ANGPT4: variants seen among roughly 807,000 people sequenced by gnomAD.
ANGPT4 encodes angiopoietin-4.
A neutral mutation model predicts 53.0 loss-of-function variants in ANGPT4; 50 were observed. The observed-to-expected ratio is 0.94, with a 90% CI of 0.75 to 1.20. ANGPT4 has a LOEUF of 1.20. Among genes scored for constraint, ANGPT4 ranks in the 50% most tolerant of loss-of-function variants. ANGPT4 has a pLI of 0.00. For synonymous variants in ANGPT4, 251 were observed against 259.7 expected (o/e 0.97, Z 0.32); for missense variants, 648 against 637.1 (o/e 1.02, Z -0.18).
At chr20:882,889 G>A (rs1981465809) in intron 4 of ANGPT4, among the ~76,000 whole-genome samples, 1 of 152,236 alleles carries the variant, frequency 6.6e-6, no homozygotes. Flanking sequence ...GCCAGGGGTA[G>A]TTTGGGGCCA....
chr20:912,600 C>T (rs970141580), intron 1 of ANGPT4, among the ~76,000 whole-genome samples: 5 of 150,780 alleles, frequency 3.3e-5, no homozygotes, highest in South Asian at 2.1e-4. Context: ...TTTCCAGGAG[C>T]GAGGAGGAGG....
At chr20:903,151 C>T (rs58905802) in intron 1 of ANGPT4, among the ~76,000 whole-genome samples, 3,452 of 152,246 alleles carry the variant, frequency 0.023, 132 homozygotes, top group African/African-American at 0.08. Context: ...ATGGGGTGAA[C>T]CCTGCTGCTG....
chr20:916,113 C>T lies in ANGPT4; in HGVS notation c.102G>A (p.Glu34=). 1.2e-6 allele frequency: 2 copies of T among 1,614,192 alleles called. No individual in the cohort carries two copies. Among genetic ancestry groups the T allele is most frequent in the South Asian group, 2.2e-5 (2 of 91,078 alleles). ...AGTGGCCGTGCTGGACTACAAGTGT[C>T]TCGCAGCCCCTATCCGCCTCCTGCC... ...QTRQEADRGC[E]TLVVQHGHCS... The change falls in exon 1 of 9, where the codon GAG becomes GAA. Residue 34 remains glutamate, a synonymous_variant. Coordinates refer to ENST00000381922, the MANE Select transcript of ANGPT4 (RefSeq NM_015985.4).
At chr20:889,539 T>C (rs907729371) in intron 2 of ANGPT4, among the ~76,000 whole-genome samples, 7 of 152,188 alleles carry the variant, frequency 4.6e-5, no homozygotes, top group Non-Finnish European at 4.4e-5. Flanking sequence ...ACGATACTCT[T>C]ATGGGACTGC....
intron 1 of ANGPT4, among the ~76,000 whole-genome samples, chr20:902,087 C>A (rs1296924684): frequency 6.6e-6 from 1 of 152,068 alleles, no homozygotes; most frequent in Non-Finnish European, 1.5e-5. Context: ...TATACAAAAA[C>A]CGAGAAGATC....
intron 7 of ANGPT4, among the ~76,000 whole-genome samples, chr20:876,110 C>T (rs1981155557): frequency 3.4e-5 from 5 of 145,210 alleles, no homozygotes; most frequent in Non-Finnish European, 6.0e-5. Flanking sequence ...CATGCCACTG[C>T]ACTCCAGCCT....
chr20:879,967 G>C, intron 5 of ANGPT4, 119 bp from the exon 6 acceptor site: 1 of 546,766 alleles, frequency 1.8e-6, no homozygotes, highest in Non-Finnish European at 3.1e-6. Context: ...TGAGCCTGGG[G>C]GTCCTGGGCA....
chr20:872,899 T>C lies in ANGPT4; in HGVS notation c.*61A>G. ...CAGTGTCTTGCATCTGGGTCCAGGT[T>C]GTCCAGGAGTGCCAAGTCCGAGCTT... On this transcript the variant is annotated 3_prime_UTR_variant, in exon 9 of 9. Coordinates refer to ENST00000381922, the MANE Select transcript of ANGPT4 (RefSeq NM_015985.4). 6.3e-7 allele frequency: 1 copy of C among 1,595,936 alleles called. No individual in the cohort carries two copies. The highest frequency in any genetic ancestry group is 1.1e-5 in the South Asian group (1 of 89,718).
chr20:897,765 T>G (rs1245617567), intron 1 of ANGPT4, among the ~76,000 whole-genome samples: 1 of 152,212 alleles, frequency 6.6e-6, no homozygotes, highest in African/African-American at 2.4e-5. Context: ...ACCTCTTCAC[T>G]GTGGTCAACC....
chr20:915,029 T>C (rs1027896149), intron 1 of ANGPT4, among the ~76,000 whole-genome samples: 1 of 152,060 alleles, frequency 6.6e-6, no homozygotes, highest in African/African-American at 2.4e-5. Flanking sequence ...CCACACCCCC[T>C]CCTAGCCCCG....
intron 7 of ANGPT4, among the ~76,000 whole-genome samples, chr20:875,762 G>A (rs1329376903): frequency 6.6e-6 from 1 of 152,130 alleles, no homozygotes; most frequent in Non-Finnish European, 1.5e-5. Context: ...GAGAATGCGG[G>A]GTGTTTGTAT....
intron 2 of ANGPT4, among the ~76,000 whole-genome samples, chr20:889,473 G>A (rs1216092830): frequency 6.6e-6 from 1 of 152,134 alleles, no homozygotes; most frequent in Non-Finnish European, 1.5e-5. Flanking sequence ...ATAACACAGT[G>A]GGAAGTATTT....
intron 1 of ANGPT4, among the ~76,000 whole-genome samples, chr20:913,725 C>G (rs1047561737): frequency 1.3e-5 from 2 of 152,192 alleles, no homozygotes; most frequent in East Asian, 3.9e-4. Flanking sequence ...ATGACAGCAT[C>G]CTGGGAAAGA....
At chr20:904,921 G>A (rs1027384031) in intron 1 of ANGPT4, among the ~76,000 whole-genome samples, 2 of 152,132 alleles carry the variant, frequency 1.3e-5, no homozygotes, top group Non-Finnish European at 2.9e-5. Context: ...TTTGACTATC[G>A]TTAACAAACT....
intron 7 of ANGPT4, among the ~76,000 whole-genome samples, chr20:876,144 CAAA>C (rs3030778): frequency 0.17 from 16,997 of 99,056 alleles, 1,543 homozygotes; most frequent in African/African-American, 0.3. Flanking sequence ...AGCCCTGTCT[CAAA>C]AAAAAAAAAA....
At chr20:879,293 T>C (rs977730281) in intron 6 of ANGPT4, among the ~76,000 whole-genome samples, 19 of 152,128 alleles carry the variant, frequency 1.2e-4, no homozygotes, top group African/African-American at 4.6e-4. Context: ...AATTAAAAAA[T>C]TGGAAAACAA....
rs1291618371 is a variant in ANGPT4 at position 872,242 on chromosome 20, T to C, written c.*718A>G. 1 of 152,228 alleles carries C rather than the reference T, an allele frequency of 6.6e-6. No homozygotes were observed. Among genetic ancestry groups the C allele is most frequent in the Non-Finnish European group, 1.5e-5 (1 of 68,074 alleles). 9.4% of individuals were successfully genotyped at this position (152,228 alleles called of 1,614,324 possible). On this transcript the variant is annotated 3_prime_UTR_variant, in exon 9 of 9. Transcript: ENST00000381922. ...ACTTTTAGAGACAAGCCATAGTTAT[T>C]CCCTGTGACACATCCTCTAGGACAT...
intron 1 of ANGPT4, among the ~76,000 whole-genome samples, chr20:895,147 T>C (rs981052656): frequency 6.6e-6 from 1 of 152,152 alleles, no homozygotes; most frequent in Non-Finnish European, 1.5e-5. Context: ...AGGGAATGGA[T>C]CCCAGTGGAG....
In ANGPT4 at chr20:910,856, C is replaced by A. The variant is rs115111755; in HGVS notation, c.309+5050G>T. ...TCATCCCAGGCATGAGCCAGCTGGT[C>A]ATCCCCAGGCCGAGGGTATCTGTGC... On this transcript the variant is annotated intron_variant, in intron 1 of 8. Transcript: ENST00000381922. Among the ~76,000 whole-genome samples the A allele has an allele frequency of 5.6e-3, 848 of 152,248 alleles. 8 individuals are homozygous for A. Among genetic ancestry groups the A allele is most frequent in the African/African-American group, 0.02 (824 of 41,536 alleles).
Sources: gnomAD v4.1 joint callset for allele counts (sites outside exome capture counted in the v4.1 genomes callset) on GRCh38, gnomAD v4.1.1 for gene constraint, MANE v1.5 for transcripts, NCBI Gene and HGNC (gene_info 2026-07-23, HGNC 2026-07-21) for gene names.